The following SYNE1 variants were observed in gnomAD, a reference collection of about 807,000 sequenced individuals.
SYNE1 encodes spectrin repeat containing nuclear envelope protein 1.
Under a neutral mutation model 1,111.0 loss-of-function variants are expected in SYNE1, and 616 were observed. The observed-to-expected ratio is 0.55, with a 90% CI of 0.52 to 0.59. SYNE1 has a LOEUF of 0.59. Ranked by LOEUF, SYNE1 falls within the 20% of genes least tolerant of loss-of-function variation. The probability of loss-of-function intolerance (pLI) is 0.00; values close to 1 mark genes in which losing one functional copy is unlikely to be tolerated. For missense variants in SYNE1, 10,006 were observed against 10,417.0 expected (o/e 0.96, Z 1.72); for synonymous variants, 3,855 against 3,825.8 (o/e 1.01, Z -0.28).
chr6:152,188,609 T>C (rs1258963753), intron 128 of SYNE1, among the ~76,000 whole-genome samples: 1 of 152,094 alleles, frequency 6.6e-6, no homozygotes, highest in Non-Finnish European at 1.5e-5. Flanking sequence ...GTTTCAAGTA[T>C]ATCTACCCAG....
chr6:152,425,539 T>C lies in SYNE1; in HGVS notation c.5109A>G (p.Gln1703=). The C allele has an allele frequency of 1.2e-6, 2 of 1,614,140 alleles. No homozygotes were observed. The highest frequency in any genetic ancestry group is 1.7e-6 in the Non-Finnish European group (2 of 1,180,020). Residue 1703 remains glutamine, a synonymous_variant, in exon 39 of 146, where the codon CAA becomes CAG. Transcript: ENST00000367255. ...ATGAGGCCTGGGATACAACTTCATTTTGCAGTGCCTGAAAAATACAAGACA... is the reference window on the plus strand; with the variant it reads ...ATGAGGCCTGGGATACAACTTCATTCTGCAGTGCCTGAAAAATACAAGACA... The part of the protein sequence containing the change: ...EGELQLIQAL[Q]NEVVSQASFY...
intron 77 of SYNE1, 103 bp from the exon 78 acceptor site, chr6:152,331,993 T>A (rs2096258109): frequency 6.5e-7 from 1 of 1,529,144 alleles, no homozygotes; most frequent in African/African-American, 1.4e-5. Context: ...TTTTGGAGAC[T>A]GAGTTTTGCT....
At chr6:152,176,358 G>C in intron 130 of SYNE1, 36 bp downstream of exon 130, 1 of 1,613,026 alleles carries the variant, frequency 6.2e-7, no homozygotes, top group African/African-American at 1.3e-5. Flanking sequence ...TTAAAATACT[G>C]CCCACACGTG....
chr6:152,613,406 CAA>C (rs1163626371), intron 3 of SYNE1, among the ~76,000 whole-genome samples: 1 of 152,038 alleles, frequency 6.6e-6, no homozygotes, highest in Non-Finnish European at 1.5e-5. Flanking sequence ...CCAATTGCTA[CAA>C]AGAGAATAAA....
At chr6:152,549,197 A>G (rs2099328649) in intron 3 of SYNE1, among the ~76,000 whole-genome samples, 2 of 152,218 alleles carry the variant, frequency 1.3e-5, no homozygotes, top group Non-Finnish European at 2.9e-5. Context: ...TCTCACATCC[A>G]TACATACTTG....
intron 40 of SYNE1, among the ~76,000 whole-genome samples, chr6:152,418,044 C>T (rs2098191522): frequency 6.6e-6 from 1 of 152,158 alleles, no homozygotes; most frequent in South Asian, 2.1e-4. Flanking sequence ...GAAATTATCA[C>T]CTATCTTAAT....
rs1327052430 is a variant in SYNE1, at chr6:152,465,760, AACACAT to A, written c.1729+216_1729+221del. Among the ~76,000 whole-genome samples the A allele has an allele frequency of 3.5e-4, 47 of 133,234 alleles. No individual in the cohort carries two copies. The East Asian group carries it at 4.2e-3, about 12-fold the overall frequency. 87.4% of individuals were successfully genotyped at this position (133,234 alleles called of 152,430 possible). ...TGCTTATTTTGTTCTCTCTTAGAAG[AACACAT>A]ACACACACACACACACACACACACA... On this transcript the variant is annotated intron_variant, in intron 17 of 145. Transcript: ENST00000367255.
chr6:152,347,075 C>T lies in SYNE1; in HGVS notation c.12062G>A (p.Cys4021Tyr), dbSNP rs1002219816. 5 of 1,614,060 alleles carry T rather than the reference C, an allele frequency of 3.1e-6. No homozygotes were observed. The highest frequency in any genetic ancestry group is 3.4e-6 in the Non-Finnish European group (4 of 1,180,046). The change falls in exon 73 of 146, where the codon TGC becomes TAC. Residue 4021 changes from cysteine (C) to tyrosine (Y), a missense_variant. Transcript: ENST00000367255. ...GGCACTCACCCTCTGAGCTGTGCTG[C>T]AGATCGCTGAGTAGCTGTCCTTTGT... ...QGTKDSYSAICSTAQRMYQSL... is the reference protein window; with the variant it reads ...QGTKDSYSAIYSTAQRMYQSL...
At position 152,293,998 on chromosome 6, in the gene SYNE1, CCA is replaced by C; in HGVS notation, c.17810_17811del (p.Leu5937ArgfsTer2). ...PGLEPSATAK[L>X]GDLQRSWETL... ...GTTTCCCAAGAACGCTGCAAATCAC[CCA>C]GTTTGGCAGTAGCGGATGGCTCCAA... On this transcript the variant is annotated frameshift_variant, in exon 94 of 146. Transcript: ENST00000367255. LOFTEE classifies it high-confidence loss of function. The C allele has an allele frequency of 1.9e-6, 3 of 1,614,060 alleles. No homozygotes were observed. The highest frequency in any genetic ancestry group is 2.5e-6 in the Non-Finnish European group (3 of 1,180,004).
chr6:152,604,029 A>T (rs2099604331), intron 3 of SYNE1, among the ~76,000 whole-genome samples: 1 of 150,508 alleles, frequency 6.6e-6, no homozygotes, highest in Non-Finnish European at 1.5e-5. Context: ...TATCTAGAAC[A>T]TATATATGTA....
intron 22 of SYNE1, among the ~76,000 whole-genome samples, chr6:152,457,222 G>A (rs1055036788): frequency 2.0e-5 from 3 of 152,040 alleles, no homozygotes; most frequent in Admixed American, 6.6e-5. Flanking sequence ...GTGACATTAT[G>A]GTGTATCTAA....
chr6:152,425,631 GGA>G, intron 38 of SYNE1, 84 bp from the exon 39 acceptor site: 1 of 1,524,428 alleles, frequency 6.6e-7, no homozygotes, highest in Non-Finnish European at 9.1e-7. Flanking sequence ...GTTGTCCAAA[GGA>G]TTCGCATTCT....
At chr6:152,296,173 T>TCATCC (rs2094870344) in intron 93 of SYNE1, among the ~76,000 whole-genome samples, 1 of 152,236 alleles carries the variant, frequency 6.6e-6, no homozygotes, top group Non-Finnish European at 1.5e-5. Context: ...TGATGAATTT[T>TCATCC]CATCCCTTCC....
intron 128 of SYNE1, among the ~76,000 whole-genome samples, chr6:152,183,445 A>C (rs1355902403): frequency 6.6e-6 from 1 of 152,170 alleles, no homozygotes; most frequent in African/African-American, 2.4e-5. Flanking sequence ...TACTAAAAAA[A>C]CAAAAATTAG....
intron 128 of SYNE1, among the ~76,000 whole-genome samples, chr6:152,188,749 G>C (rs1005313110): frequency 1.3e-5 from 2 of 151,472 alleles, no homozygotes; most frequent in Non-Finnish European, 2.9e-5. Context: ...ACAAGGTCAG[G>C]AGATCGAGAC....
intron 100 of SYNE1, among the ~76,000 whole-genome samples, chr6:152,265,680 T>C (rs921620117): frequency 6.6e-5 from 10 of 152,166 alleles, no homozygotes; most frequent in African/African-American, 2.4e-4. Flanking sequence ...TTTTAAAACA[T>C]AGCCTTTTGT....
chr6:152,252,233 T>C (rs1462652889), intron 104 of SYNE1, among the ~76,000 whole-genome samples: 1 of 151,658 alleles, frequency 6.6e-6, no homozygotes, highest in Non-Finnish European at 1.5e-5. Context: ...GATCTCCCCA[T>C]TGCACTCCAG....
At position 152,148,097 on chromosome 6, in the gene SYNE1, T is replaced by C. The variant is rs2059823772; in HGVS notation, c.24924A>G (p.Glu8308=). The change falls in exon 137 of 146, where the codon GAA becomes GAG. Residue 8308 remains glutamate, a synonymous_variant. Coordinates refer to ENST00000367255, the MANE Select transcript of SYNE1 (RefSeq NM_182961.4). The surrounding 1 kb of genome is among the most constrained non-coding windows in gnomAD (Gnocchi z 4.1). ...AMSRALPSED[E]EGQDDKDFYL... ...AGAAATCTTTGTCATCCTGACCTTCTTCATCCTCAGAGGGCAGAGCTCTGG... is the reference window on the plus strand; with the variant it reads ...AGAAATCTTTGTCATCCTGACCTTCCTCATCCTCAGAGGGCAGAGCTCTGG... 2 of 1,614,198 alleles carry C rather than the reference T, an allele frequency of 1.2e-6. No homozygotes were observed. The highest frequency in any genetic ancestry group is 1.7e-5 in the Admixed American group (1 of 60,032).
chr6:152,285,949 G>T (rs1299362373), intron 95 of SYNE1, among the ~76,000 whole-genome samples: 7 of 152,206 alleles, frequency 4.6e-5, no homozygotes, highest in African/African-American at 1.2e-4. Flanking sequence ...ATGATTTCAA[G>T]TAAAGTAACA....
Sources: allele counts gnomAD v4.1 joint callset (sites outside exome capture counted in the v4.1 genomes callset), GRCh38; gene constraint gnomAD v4.1.1; non-coding constraint Gnocchi (gnomAD v3.1); transcripts MANE v1.5; gene names NCBI Gene and HGNC (gene_info 2026-07-23, HGNC 2026-07-21).